Variants in FAM81A observed in about 807,000 individuals in gnomAD.
FAM81A encodes the protein protein FAM81A.
Under a neutral mutation model 46.7 loss-of-function variants are expected in FAM81A, and 19 were observed. That is an observed-to-expected ratio of 0.41 (90% CI 0.28 to 0.60). The LOEUF is 0.60. Ranked by LOEUF, FAM81A falls within the 20% of genes least tolerant of loss-of-function variation. The probability of loss-of-function intolerance (pLI) is 0.34; values close to 1 mark genes in which losing one functional copy is unlikely to be tolerated. For missense variants in FAM81A, 377 were observed against 453.5 expected, an observed-to-expected ratio of 0.83 and a Z score of 1.53; for synonymous variants, 183 against 152.9, an observed-to-expected ratio of 1.20 and a Z score of -1.45.
At chr15:59,479,298 G>A (rs1389444304) in intron 3 of FAM81A, among the ~76,000 whole-genome samples, 1 of 152,034 alleles carries the variant, frequency 6.6e-6, no homozygotes, top group African/African-American at 2.4e-5. Context: ...AGATCACGAG[G>A]TCAGGAGTTC....
chr15:59,444,465 CAAA>C (rs1314066875), intron 1 of FAM81A, among the ~76,000 whole-genome samples: 1 of 151,878 alleles, frequency 6.6e-6, no homozygotes, highest in Non-Finnish European at 1.5e-5. Flanking sequence ...TTTGATTTTT[CAAA>C]AAAAGAGTAG....
intron 4 of FAM81A, among the ~76,000 whole-genome samples, chr15:59,499,475 T>G (rs1305485724): frequency 6.6e-6 from 1 of 152,242 alleles, no homozygotes; most frequent in Non-Finnish European, 1.5e-5. Flanking sequence ...CTCGTTATAA[T>G]TACATAATTA....
chr15:59,424,311 T>C (rs1442587429), intron 2 of FAM81A, among the ~76,000 whole-genome samples: 2 of 152,258 alleles, frequency 1.3e-5, no homozygotes, highest in African/African-American at 2.4e-5. Context: ...TCCTTGGTTC[T>C]TGGTTCTTGA....
chr15:59,443,075 G>T (rs1421278777), intron 1 of FAM81A, among the ~76,000 whole-genome samples: 2 of 152,076 alleles, frequency 1.3e-5, no homozygotes, highest in African/African-American at 2.4e-5. Context: ...GAGAAAAAAA[G>T]ATCTTTATTG....
At chr15:59,504,565 T>C (rs1241952933) in intron 4 of FAM81A, among the ~76,000 whole-genome samples, 6 of 152,178 alleles carry the variant, frequency 3.9e-5, no homozygotes, top group Admixed American at 3.9e-4. Flanking sequence ...TTACCACAAT[T>C]TTATCCATTT....
chr15:59,398,997 G>A (rs563903046), intron 1 of FAM81A, among the ~76,000 whole-genome samples: 8 of 151,926 alleles, frequency 5.3e-5, no homozygotes, highest in African/African-American at 1.2e-4. Flanking sequence ...GTGAAACCCC[G>A]TCTCTACTAA....
At chr15:59,507,189 C>A in intron 4 of FAM81A, 24 bp from the exon 5 acceptor site, 2 of 1,599,150 alleles carry the variant, frequency 1.3e-6, no homozygotes, top group South Asian at 2.3e-5. Context: ...TAATAAGAAT[C>A]AGCTTTGTTC....
chr15:59,398,441 C>G (rs1462205782), intron 1 of FAM81A, among the ~76,000 whole-genome samples: 5 of 152,072 alleles, frequency 3.3e-5, no homozygotes, highest in African/African-American at 1.2e-4. Flanking sequence ...TGCAAAATAC[C>G]TAATAGCTCC....
At chr15:59,416,799 A>G (rs2081148668) in intron 2 of FAM81A, among the ~76,000 whole-genome samples, 1 of 152,220 alleles carries the variant, frequency 6.6e-6, no homozygotes, top group Admixed American at 6.5e-5. Context: ...GGTCACTGGA[A>G]TCATTCCAAA....
chr15:59,493,560 C>T (rs759003303), intron 4 of FAM81A, among the ~76,000 whole-genome samples: 9 of 152,094 alleles, frequency 5.9e-5, no homozygotes, highest in Non-Finnish European at 1.0e-4. Context: ...ATGCTGTTCT[C>T]GTACCTAGCA....
At chr15:59,515,162 T>C (rs1220108960) in intron 7 of FAM81A, among the ~76,000 whole-genome samples, 1 of 152,136 alleles carries the variant, frequency 6.6e-6, no homozygotes, top group Non-Finnish European at 1.5e-5. Context: ...GAATCCACCT[T>C]GAGCCCAGGA....
chr15:59,513,395 C>T (rs1347983126), intron 6 of FAM81A, among the ~76,000 whole-genome samples: 3 of 152,120 alleles, frequency 2.0e-5, no homozygotes, highest in Admixed American at 1.3e-4. Flanking sequence ...GTCCTCTGAG[C>T]CAGGAGTATC....
intron 4 of FAM81A, among the ~76,000 whole-genome samples, chr15:59,506,445 C>T (rs1482703550): frequency 6.6e-6 from 1 of 152,048 alleles, no homozygotes; most frequent in Non-Finnish European, 1.5e-5. Context: ...TGTTCTAGGC[C>T]CACCTTCTAG....
intron 1 of FAM81A, chr15:59,401,168 G>A (rs760839682): frequency 2.0e-5 from 15 of 758,114 alleles, no homozygotes; most frequent in Non-Finnish European, 3.7e-5. Context: ...CACAGTAATG[G>A]CAGTTTTTTC....
chr15:59,398,520 A>T (rs937104361), intron 1 of FAM81A, among the ~76,000 whole-genome samples: 41 of 152,280 alleles, frequency 2.7e-4, no homozygotes, highest in African/African-American at 9.1e-4. Flanking sequence ...GCACTTTGGG[A>T]GGCCAAGGCA....
chr15:59,460,065 C>A lies in FAM81A; in HGVS notation c.153C>A (p.Ala51=). 1 of 1,613,922 alleles carries A rather than the reference C, an allele frequency of 6.2e-7. No homozygotes were observed. The highest frequency in any genetic ancestry group is 1.1e-5 in the South Asian group (1 of 91,066). ...CCACCGCCGCCCTCGTAGAGCACGC[C>A]TTTCGGATTAAAGATGACATTGTCA... is the stretch of plus-strand genomic sequence containing the variant. ...EKTTAALVEH[A]FRIKDDIVNS... is the part of the protein sequence containing the mutation. Residue 51 remains alanine, a synonymous_variant, in exon 3 of 9, where the codon GCC becomes GCA. Transcript: ENST00000288228. The surrounding 1 kb of genome is among the most constrained non-coding windows in gnomAD (Gnocchi z 4.4).
intron 2 of FAM81A, among the ~76,000 whole-genome samples, chr15:59,422,229 A>G (rs1259303915): frequency 2.0e-5 from 3 of 152,066 alleles, no homozygotes; most frequent in Non-Finnish European, 4.4e-5. Context: ...TCTACACAAA[A>G]TAAAAAGAAT....
intron 2 of FAM81A, among the ~76,000 whole-genome samples, chr15:59,432,410 T>C (rs1304014962): frequency 6.6e-6 from 1 of 152,252 alleles, no homozygotes; most frequent in Non-Finnish European, 1.5e-5. Context: ...ATATGTGCTG[T>C]CCTTGGGGAA....
chr15:59,462,560 A>C (rs2081565397), intron 3 of FAM81A, among the ~76,000 whole-genome samples: 1 of 152,196 alleles, frequency 6.6e-6, no homozygotes, highest in East Asian at 1.9e-4. Context: ...TAATCTAATG[A>C]CATTAAGTAC....
Sources: allele counts gnomAD v4.1 joint callset (sites outside exome capture counted in the v4.1 genomes callset), GRCh38; gene constraint gnomAD v4.1.1; non-coding constraint Gnocchi (gnomAD v3.1); transcripts MANE v1.5; gene names NCBI Gene and HGNC (gene_info 2026-07-23, HGNC 2026-07-21).